The following FGF14 variants were observed in gnomAD, a reference collection of about 807,000 sequenced individuals.
FGF14 encodes fibroblast growth factor 14.
Under a neutral mutation model 25.5 loss-of-function variants are expected in FGF14, and 5 were observed. That is an observed-to-expected ratio of 0.20 (90% confidence interval 0.10 to 0.41). The LOEUF is 0.41. FGF14 is among the 10% of genes least tolerant of loss of function. The pLI is 1.00. For missense variants in FGF14, 222 were observed against 320.1 expected (o/e 0.69, Z 2.34); for synonymous variants, 138 against 118.3 (o/e 1.17, Z -1.08).
At chr13:101,900,536 C>T (rs2031395088) in intron 1 of FGF14, among the ~76,000 whole-genome samples, 1 of 152,086 alleles carries the variant, frequency 6.6e-6, no homozygotes, top group African/African-American at 2.4e-5. Context: ...CATGAATGAA[C>T]CTGCAAATAC....
intron 1 of FGF14, among the ~76,000 whole-genome samples, chr13:102,087,835 A>C (rs2043995187): frequency 6.7e-6 from 1 of 150,270 alleles, no homozygotes. Flanking sequence ...TGTGTCAGAT[A>C]ATACACTTTT....
intron 3 of FGF14, among the ~76,000 whole-genome samples, chr13:101,761,344 T>C (rs1464442238): frequency 6.6e-6 from 1 of 152,132 alleles, no homozygotes; most frequent in Non-Finnish European, 1.5e-5. Flanking sequence ...TTCTTGCTAG[T>C]TGGAAAACTC....
intron 1 of FGF14, among the ~76,000 whole-genome samples, chr13:101,973,910 G>C (rs1053123674): frequency 6.6e-6 from 1 of 152,134 alleles, no homozygotes; most frequent in Non-Finnish European, 1.5e-5. Context: ...ATGTTATTCA[G>C]TTTATTTGCT....
At chr13:102,355,839 G>A (rs955329847) in intron 1 of FGF14, among the ~76,000 whole-genome samples, 3 of 151,900 alleles carry the variant, frequency 2.0e-5, no homozygotes, top group African/African-American at 7.3e-5. Context: ...ATTACAGAAA[G>A]TACTCATATA....
At chr13:101,771,463 T>C (rs2038765293) in intron 3 of FGF14, among the ~76,000 whole-genome samples, 1 of 152,170 alleles carries the variant, frequency 6.6e-6, no homozygotes, top group African/African-American at 2.4e-5. Flanking sequence ...TTATCACTCA[T>C]GTGGCCCAAT....
intron 1 of FGF14, among the ~76,000 whole-genome samples, chr13:102,389,799 T>G (rs919294610): frequency 6.6e-6 from 1 of 152,202 alleles, no homozygotes; most frequent in South Asian, 2.1e-4. Flanking sequence ...GAAAGGATTT[T>G]GGGACATACA....
At chr13:101,866,088 A>T (rs1301032342) in intron 3 of FGF14, among the ~76,000 whole-genome samples, 1 of 152,052 alleles carries the variant, frequency 6.6e-6, no homozygotes, top group African/African-American at 2.4e-5. Flanking sequence ...TATAAAAAAA[A>T]TTAATACCCA....
intron 3 of FGF14, among the ~76,000 whole-genome samples, chr13:101,848,970 G>A (rs1371943230): frequency 5.3e-5 from 8 of 151,998 alleles, no homozygotes; most frequent in Non-Finnish European, 8.8e-5. Context: ...GAAAAAAAGT[G>A]TATTGGACTT....
chr13:102,058,622 C>G (rs926252058), intron 1 of FGF14, among the ~76,000 whole-genome samples: 1 of 152,172 alleles, frequency 6.6e-6, no homozygotes, highest in Non-Finnish European at 1.5e-5. Flanking sequence ...ACTATTACCT[C>G]TTAGTGTGTC....
chr13:102,240,580 T>G (rs190007709), intron 1 of FGF14, among the ~76,000 whole-genome samples: 1 of 152,238 alleles, frequency 6.6e-6, no homozygotes, highest in East Asian at 1.9e-4. Flanking sequence ...ACACAACTTG[T>G]AAGGACAACT....
chr13:102,258,368 G>A (rs1409974529), intron 1 of FGF14, among the ~76,000 whole-genome samples: 3 of 152,044 alleles, frequency 2.0e-5, no homozygotes, highest in South Asian at 2.1e-4. Context: ...GAGGCCAAGC[G>A]ACCATGGAGG....
At chr13:102,336,612 T>C (rs1251180945) in intron 1 of FGF14, among the ~76,000 whole-genome samples, 1 of 152,186 alleles carries the variant, frequency 6.6e-6, no homozygotes, top group Admixed American at 6.6e-5. Flanking sequence ...AACAGATTTT[T>C]AATGTATATG....
chr13:101,897,467 C>T (rs61486448), intron 1 of FGF14, among the ~76,000 whole-genome samples: 2,134 of 152,228 alleles, frequency 0.014, 40 homozygotes, highest in African/African-American at 0.048. Flanking sequence ...GTCAGGGCTA[C>T]TCCAGTCTTT....
intron 1 of FGF14, among the ~76,000 whole-genome samples, chr13:102,290,073 TCA>T (rs1208213775): frequency 1.3e-5 from 2 of 152,172 alleles, no homozygotes; most frequent in Admixed American, 1.3e-4. Flanking sequence ...AAAGAAGAGC[TCA>T]GTTGAGTAAC....
At chr13:101,939,336 T>C (rs1566466251) in intron 1 of FGF14, among the ~76,000 whole-genome samples, 1 of 152,210 alleles carries the variant, frequency 6.6e-6, no homozygotes, top group Non-Finnish European at 1.5e-5. Context: ...AACAGCACCA[T>C]TACACAAACT....
chr13:102,282,600 G>T (rs897970212), intron 1 of FGF14, among the ~76,000 whole-genome samples: 2 of 152,114 alleles, frequency 1.3e-5, no homozygotes, highest in African/African-American at 2.4e-5. Context: ...CTTAAGCTAA[G>T]CCACTAAGAG....
At chr13:102,228,858 T>C (rs1318869316) in intron 1 of FGF14, among the ~76,000 whole-genome samples, 2 of 152,208 alleles carry the variant, frequency 1.3e-5, no homozygotes, top group Admixed American at 6.5e-5. Flanking sequence ...TATTAAAATA[T>C]AAAACCTCCT....
At chr13:101,965,245 T>TA (rs555577660) in intron 1 of FGF14, among the ~76,000 whole-genome samples, 4,388 of 120,618 alleles carry the variant, frequency 0.036, 90 homozygotes, top group Middle Eastern at 0.063. Context: ...CAAGACTGTC[T>TA]AAAAAAAAAA....
rs150138961 is a variant in FGF14, at chr13:101,734,491, T to A, written c.409-7681A>T. Reference sequence around the variant, plus strand: ...CATGTATAAACTCCTAAAATAATAATCCTTGTAAGATGAACAGATGGCACC... The same window carrying A: ...CATGTATAAACTCCTAAAATAATAAACCTTGTAAGATGAACAGATGGCACC... On this transcript the variant is annotated intron_variant, in intron 3 of 4. Coordinates refer to ENST00000376143, the MANE Select transcript of FGF14 (RefSeq NM_004115.4). Among the ~76,000 whole-genome samples, 26 of 152,222 alleles carry A rather than the reference T, an allele frequency of 1.7e-4. No homozygotes were observed. In the East Asian group the frequency reaches 4.4e-3, roughly 26 times the overall value.
Sources: allele counts gnomAD v4.1 joint callset (sites outside exome capture counted in the v4.1 genomes callset), GRCh38; gene constraint gnomAD v4.1.1; transcripts MANE v1.5; gene names NCBI Gene and HGNC (gene_info 2026-07-23, HGNC 2026-07-21).